Variants in GAREM2 observed in about 807,000 individuals in gnomAD.
GAREM2 encodes GRB2-associated and regulator of MAPK protein 2.
Under a neutral mutation model 55.6 loss-of-function variants are expected in GAREM2, and 30 were observed. The observed-to-expected ratio is 0.54, with a 90% CI of 0.40 to 0.73. The LOEUF is 0.73. GAREM2 is among the 30% of genes least tolerant of loss of function. GAREM2 has a pLI of 0.00. For missense variants in GAREM2, 1,075 were observed against 1,257.7 expected, an observed-to-expected ratio of 0.85 and a Z score of 2.20; for synonymous variants, 550 against 569.1, an observed-to-expected ratio of 0.97 and a Z score of 0.48.
rs1558303136 is a variant in GAREM2 at position 26,174,009 on chromosome 2, G to A, written c.112+677G>A. Among the ~76,000 whole-genome samples the A allele has an allele frequency of 4.6e-5, 7 of 152,282 alleles. No homozygotes were observed. In the South Asian group the frequency reaches 1.2e-3, roughly 27 times the overall value. On this transcript the variant is annotated intron_variant, in intron 1 of 5. Transcript: ENST00000401533. ...GGGGGCCCGAGAGGGTACGCCCGGA[G>A]GCTGCATGGAGCGAGGGGACCGTTT...
At position 26,173,311 on chromosome 2, in the gene GAREM2, A is replaced by C; in HGVS notation, c.91A>C (p.Thr31Pro). The change falls in exon 1 of 6, where the codon ACG becomes CCG. Residue 31 changes from threonine to proline, a missense_variant. By Grantham distance (38) the Thr-to-Pro change is conservative. Transcript: ENST00000401533. ...DLIVSRCRLP[T>P]LACLGPGEYA... is the part of the protein sequence containing the mutation. Reference sequence around the variant, plus strand: ...CATCGTCAGCCGCTGCCGCCTGCCCACGCTCGCCTGCCTTGGGCCAGGTAC... The same window carrying C: ...CATCGTCAGCCGCTGCCGCCTGCCCCCGCTCGCCTGCCTTGGGCCAGGTAC... 1 of 1,420,324 alleles carries C rather than the reference A, an allele frequency of 7.0e-7. No homozygotes were observed. The highest frequency in any genetic ancestry group is 9.2e-7 in the Non-Finnish European group (1 of 1,082,898). 88.0% of individuals were successfully genotyped at this position (1,420,324 alleles called of 1,614,324 possible).
At chr2:26,194,608 G>A, downstream of GAREM2, 1 of 1,612,556 alleles carries the variant, frequency 6.2e-7, no homozygotes, top group African/African-American at 1.3e-5. Flanking sequence ...ATGGGCGCAA[G>A]ACACCTGGTA....
At chr2:26,197,347 CTA>C in the GAREM2 span, among the ~76,000 whole-genome samples, 1 of 152,214 alleles carries the variant, frequency 6.6e-6, no homozygotes, top group Non-Finnish European at 1.5e-5. Flanking sequence ...CAAACCTGTT[CTA>C]AACAGTCACT....
chr2:26,181,168 G>A, intron 2 of GAREM2: 2 of 974,550 alleles, frequency 2.1e-6, no homozygotes, highest in Non-Finnish European at 2.4e-6. Context: ...ACTCCAGTGG[G>A]TCTCATGTTG....
Position 26,188,245 on chromosome 2 carries a change from G to A in GAREM2, c.2613G>A (p.Arg871=). The change falls in exon 6 of 6, where the codon AGG becomes AGA. Residue 871 remains arginine, a synonymous_variant. Coordinates refer to ENST00000401533, the MANE Select transcript of GAREM2 (RefSeq NM_001168241.2). The part of the protein sequence containing the change: ...KKIMQFIKGW[R]PKI ...TCATGCAGTTCATCAAAGGCTGGAG[G>A]CCCAAGATCTGAACTGCCCAGCTGG... 1 of 1,479,960 alleles carries A rather than the reference G, an allele frequency of 6.8e-7. No homozygotes were observed. The highest frequency in any genetic ancestry group is 1.4e-5 in the South Asian group (1 of 73,426). The allele number at this position is 1,479,960 out of a possible 1,614,324, so 91.7% of individuals were successfully genotyped here.
chr2:26,173,583 A>C (rs903706208), intron 1 of GAREM2, among the ~76,000 whole-genome samples: 10 of 152,018 alleles, frequency 6.6e-5, no homozygotes, highest in Admixed American at 4.6e-4. Flanking sequence ...TTTCCCGCCC[A>C]GCTGGAGTCC....
At chr2:26,193,724 A>G, downstream of GAREM2, 3 of 1,614,186 alleles carry the variant, frequency 1.9e-6, no homozygotes, top group Non-Finnish European at 2.5e-6. Context: ...CCCACAGGAA[A>G]GCCAAAGCTT....
chr2:26,199,782 C>T, the GAREM2 span, among the ~76,000 whole-genome samples: 1 of 152,036 alleles, frequency 6.6e-6, no homozygotes, highest in African/African-American at 2.4e-5. Context: ...TGCTTTTGTT[C>T]TCTTGGAAGC....
intron 1 of GAREM2, among the ~76,000 whole-genome samples, chr2:26,175,696 A>G (rs148315072): frequency 6.6e-6 from 1 of 152,254 alleles, no homozygotes; most frequent in African/African-American, 2.4e-5. Flanking sequence ...GAGAGGCAGT[A>G]ATCAGCTGCT....
Position 26,186,332 on chromosome 2 carries a change from C to T in GAREM2, c.1572C>T (p.Ser524=). 2 of 1,551,910 alleles carry T rather than the reference C, an allele frequency of 1.3e-6. No homozygotes were observed. Among genetic ancestry groups the T allele is most frequent in the Non-Finnish European group, 1.7e-6 (2 of 1,147,030 alleles). ...TACATTCCCCCAGCTCCAGCCTCTC[C>T]TACTACTCCTCTGGCCTCCAGGATG... is the stretch of plus-strand genomic sequence containing the variant. The part of the protein sequence containing the change: ...QPVHSPSSSL[S]YYSSGLQDGA... Residue 524 remains serine (S), a synonymous_variant, in exon 5 of 6, where the codon TCC becomes TCT. Transcript: ENST00000401533.
chr2:26,175,384 C>T (rs1668830474), intron 1 of GAREM2, among the ~76,000 whole-genome samples: 1 of 152,190 alleles, frequency 6.6e-6, no homozygotes. Flanking sequence ...GCAGCTTCCC[C>T]CAGGCCCCAG....
chr2:26,177,259 G>A (rs927378031), intron 2 of GAREM2, among the ~76,000 whole-genome samples: 12 of 152,290 alleles, frequency 7.9e-5, no homozygotes, highest in South Asian at 4.1e-4. Flanking sequence ...CACCAGGAGC[G>A]TGTGGTTGCT....
downstream of GAREM2, chr2:26,193,907 T>TCA: frequency 1.4e-6 from 1 of 693,802 alleles, no homozygotes; most frequent in Non-Finnish European, 2.5e-6. Context: ...CCAGGACTGG[T>TCA]GCTATTTCAT....
In GAREM2 at chr2:26,188,377, C is replaced by T. The variant is rs1574597294; in HGVS notation, c.*120C>T. The T allele has an allele frequency of 5.4e-6, 4 of 741,822 alleles. No individual in the cohort carries two copies. The East Asian group carries it at 1.2e-4, about 22-fold the overall frequency. 46.0% of individuals were successfully genotyped at this position (741,822 alleles called of 1,614,324 possible). ...TGTCGAGACTGAGGCTGCTCAGCAGCCACTGGGTGGATCCAGGGGAGATGC... is the reference window on the plus strand; with the variant it reads ...TGTCGAGACTGAGGCTGCTCAGCAGTCACTGGGTGGATCCAGGGGAGATGC... On this transcript the variant is annotated 3_prime_UTR_variant, in exon 6 of 6. Transcript: ENST00000401533.
the GAREM2 span, chr2:26,195,302 G>A: frequency 7.3e-5 from 94 of 1,295,566 alleles, no homozygotes; most frequent in African/African-American, 1.2e-3. Context: ...TTCCTTCTCT[G>A]CTAGGAAAAC....
chr2:26,178,923 G>A (rs1374814695), intron 2 of GAREM2, among the ~76,000 whole-genome samples: 2 of 152,258 alleles, frequency 1.3e-5, no homozygotes, highest in East Asian at 3.8e-4. Flanking sequence ...CCCCTAGGAG[G>A]GCGAAGGCCG....
the GAREM2 span, chr2:26,195,227 A>C: frequency 6.2e-7 from 1 of 1,613,184 alleles, no homozygotes; most frequent in Non-Finnish European, 8.5e-7. Context: ...AGTGCATGCC[A>C]ATCACCTGGC....
chr2:26,184,115 T>C, intron 3 of GAREM2, 118 bp from the exon 4 acceptor site: 1 of 1,444,280 alleles, frequency 6.9e-7, no homozygotes. Flanking sequence ...TACCATCTAG[T>C]CCGAGCCCCG....
downstream of GAREM2, chr2:26,190,969 A>C (rs1324618311): frequency 5.6e-6 from 3 of 540,018 alleles, no homozygotes; most frequent in African/African-American, 5.7e-5. Flanking sequence ...GAACAGGCAG[A>C]GAGGTGGCTT....
Sources: gnomAD v4.1 joint callset for allele counts (sites outside exome capture counted in the v4.1 genomes callset) on GRCh38, gnomAD v4.1.1 for gene constraint, MANE v1.5 for transcripts, NCBI Gene and HGNC (gene_info 2026-07-23, HGNC 2026-07-21) for gene names.